Variants in DOCK1 observed in about 807,000 individuals in gnomAD.
The protein encoded by DOCK1 is dedicator of cytokinesis 1.
DOCK1 carries 138 observed loss-of-function variants against 262.7 expected under a neutral mutation model. The ratio of observed to expected loss-of-function variants is 0.53; its 90% CI spans 0.46 to 0.61. DOCK1 has a LOEUF of 0.61. Ranked by LOEUF, DOCK1 falls within the 20% of genes least tolerant of loss-of-function variation. The pLI is 0.00. For missense variants in DOCK1, 1,908 were observed against 2,370.7 expected (o/e 0.80, Z 4.05); for synonymous variants, 866 against 867.4 (o/e 1.00, Z 0.03).
chr10:127,384,619 G>A (rs1213770982), intron 37 of DOCK1, among the ~76,000 whole-genome samples, 171 bp from the exon 38 acceptor site: 6 of 152,216 alleles, frequency 3.9e-5, no homozygotes, highest in East Asian at 1.9e-4. Context: ...TTTTATGCCT[G>A]TCGGTATGTC....
chr10:127,348,592 CA>C, intron 31 of DOCK1, among the ~76,000 whole-genome samples: 1 of 152,192 alleles, frequency 6.6e-6, no homozygotes, highest in East Asian at 1.9e-4. Flanking sequence ...AGACCATCCA[CA>C]AAGACCTCCC....
chr10:127,118,968 A>C (rs2049359990), intron 25 of DOCK1, among the ~76,000 whole-genome samples: 1 of 152,168 alleles, frequency 6.6e-6, no homozygotes, highest in African/African-American at 2.4e-5. Flanking sequence ...TGTTATGTAA[A>C]AATGCCTGAA....
At chr10:127,150,296 C>G (rs76746736) in intron 27 of DOCK1, among the ~76,000 whole-genome samples, 1 of 152,118 alleles carries the variant, frequency 6.6e-6, no homozygotes, top group Non-Finnish European at 1.5e-5. Context: ...CAGAACTGAC[C>G]GCAAGCTGCG....
At chr10:127,376,941 A>G (rs1391942744) in intron 35 of DOCK1, among the ~76,000 whole-genome samples, 2 of 152,192 alleles carry the variant, frequency 1.3e-5, no homozygotes, top group Non-Finnish European at 2.9e-5. Flanking sequence ...TTCTAATGTG[A>G]ACCTGTGTTC....
chr10:127,380,910 G>A (rs1191161588), intron 36 of DOCK1, among the ~76,000 whole-genome samples: 1 of 152,114 alleles, frequency 6.6e-6, no homozygotes, highest in Non-Finnish European at 1.5e-5. Context: ...CACATTGACT[G>A]TAATCATTGG....
intron 50 of DOCK1, 84 bp from the exon 51 acceptor site, chr10:127,447,310 T>TG: frequency 6.5e-7 from 1 of 1,543,704 alleles, no homozygotes. Context: ...CCTGCCTCTC[T>TG]GGGAGGGAAC....
intron 32 of DOCK1, among the ~76,000 whole-genome samples, chr10:127,360,076 T>C (rs1224198568): frequency 1.3e-5 from 2 of 152,240 alleles, no homozygotes; most frequent in Non-Finnish European, 2.9e-5. Flanking sequence ...ACCTTTTTGA[T>C]AGGACCTGCC....
At chr10:127,201,904 A>T (rs1223398011) in intron 27 of DOCK1, among the ~76,000 whole-genome samples, 1 of 152,190 alleles carries the variant, frequency 6.6e-6, no homozygotes, top group Non-Finnish European at 1.5e-5. Flanking sequence ...CAGCACAGGT[A>T]GATGGCTCAA....
At chr10:126,910,061 G>A (rs532405369) in intron 1 of DOCK1, among the ~76,000 whole-genome samples, 1 of 152,300 alleles carries the variant, frequency 6.6e-6, no homozygotes, top group African/African-American at 2.4e-5. Context: ...GAGCGTGGGA[G>A]TTGATGAGAG....
intron 27 of DOCK1, among the ~76,000 whole-genome samples, chr10:127,164,970 G>T (rs997385310): frequency 4.6e-5 from 7 of 152,170 alleles, no homozygotes; most frequent in African/African-American, 1.4e-4. Flanking sequence ...TTATTTTCCT[G>T]GAGGAGAGAT....
At chr10:127,394,350 T>C (rs1287708522) in intron 38 of DOCK1, among the ~76,000 whole-genome samples, 11 of 79,668 alleles carry the variant, frequency 1.4e-4, no homozygotes, top group Non-Finnish European at 2.4e-4. Context: ...CTTGCACCAA[T>C]GTAAAAAAAA....
chr10:127,296,834 TGAA>T (rs1284390888), intron 29 of DOCK1, among the ~76,000 whole-genome samples: 1 of 152,092 alleles, frequency 6.6e-6, no homozygotes, highest in African/African-American at 2.4e-5. Flanking sequence ...AGGGCACAGC[TGAA>T]GAAGGAGAGC....
chr10:126,977,691 G>A (rs766168940), intron 2 of DOCK1, among the ~76,000 whole-genome samples: 17 of 152,164 alleles, frequency 1.1e-4, no homozygotes, highest in African/African-American at 1.4e-4. Flanking sequence ...TGCTGCTTCC[G>A]AACCACATGA....
At chr10:127,443,870 G>A (rs899410390) in intron 49 of DOCK1, among the ~76,000 whole-genome samples, 2 of 151,956 alleles carry the variant, frequency 1.3e-5, no homozygotes, top group East Asian at 3.9e-4. Context: ...GTGTTTTGGG[G>A]GGTCTCTGGG....
chr10:126,945,425 AG>A (rs1335682933), intron 1 of DOCK1, among the ~76,000 whole-genome samples: 6 of 150,488 alleles, frequency 4.0e-5, no homozygotes, highest in Non-Finnish European at 7.4e-5. Flanking sequence ...TGCAGCGGAG[AG>A]GGGGAGAGGG....
intron 23 of DOCK1, among the ~76,000 whole-genome samples, chr10:127,074,949 G>T (rs2046427313): frequency 2.0e-5 from 3 of 152,012 alleles, no homozygotes; most frequent in South Asian, 4.1e-4. Flanking sequence ...ATCACCTGAG[G>T]TTGGGAGTTC....
chr10:127,266,530 T>C (rs1046769413), intron 29 of DOCK1, among the ~76,000 whole-genome samples: 1 of 151,356 alleles, frequency 6.6e-6, no homozygotes, highest in Non-Finnish European at 1.5e-5. Context: ...GTACTGACTA[T>C]ACATTTTGCT....
intron 29 of DOCK1, among the ~76,000 whole-genome samples, chr10:127,283,258 C>T (rs2061026816): frequency 6.6e-6 from 1 of 152,248 alleles, no homozygotes. Context: ...CTGCCACAAG[C>T]AGCAATTGCT....
chr10:126,989,640 A>T (rs2039657938), intron 5 of DOCK1, among the ~76,000 whole-genome samples: 1 of 152,168 alleles, frequency 6.6e-6, no homozygotes, highest in Non-Finnish European at 1.5e-5. Context: ...TTAGAGTTTT[A>T]TCACATTAGG....
Sources: allele counts gnomAD v4.1 joint callset (sites outside exome capture counted in the v4.1 genomes callset), GRCh38; gene constraint gnomAD v4.1.1; transcripts MANE v1.5; gene names NCBI Gene and HGNC (gene_info 2026-07-23, HGNC 2026-07-21).